NCOR2: variants seen among roughly 807,000 people sequenced by gnomAD.
The protein encoded by NCOR2 is CTG repeat protein 26.
In NCOR2, 81 loss-of-function variants were observed where a neutral mutation model predicts 262.9. The ratio of observed to expected loss-of-function variants is 0.31; its 90% CI spans 0.26 to 0.37. The LOEUF (loss-of-function observed/expected upper bound fraction) is 0.37. Ranked by LOEUF, NCOR2 falls within the 10% of genes least tolerant of loss-of-function variation. The pLI is 1.00. For missense variants in NCOR2, 3,385 were observed against 3,621.4 expected, an observed-to-expected ratio of 0.93 and a Z score of 1.68; for synonymous variants, 1,659 against 1,559.3, an observed-to-expected ratio of 1.06 and a Z score of -1.51.
chr12:124,457,097 C>G lies in NCOR2; in HGVS notation c.762+9G>C. 1 of 1,525,700 alleles carries G rather than the reference C, an allele frequency of 6.6e-7. No homozygotes were observed. Among genetic ancestry groups the G allele is most frequent in the South Asian group, 1.3e-5 (1 of 79,098 alleles). 94.5% of individuals were successfully genotyped at this position (1,525,700 alleles called of 1,614,324 possible). A position where few individuals can be genotyped will look rare whatever the true frequency, so the allele number is the denominator to read the frequency against. Reference sequence around the variant, plus strand: ...TCCCCTGAGCCCCTGACCCTGTACCCCAGCTCACCAGCTCCACCTGGGGCC... The same window carrying G: ...TCCCCTGAGCCCCTGACCCTGTACCGCAGCTCACCAGCTCCACCTGGGGCC... On this transcript the variant is annotated intron_variant, in intron 6 of 46. Transcript: ENST00000405201. The surrounding 1 kb of genome is among the most constrained non-coding windows in gnomAD (Gnocchi z 4.0).
chr12:124,481,718 C>T lies in NCOR2; in HGVS notation c.411+1878G>A, dbSNP rs1052841186. On this transcript the variant is annotated intron_variant, in intron 3 of 46. Transcript: ENST00000405201. The surrounding 1 kb of genome is among the most constrained non-coding windows in gnomAD (Gnocchi z 4.6). ...GGCTGGATCACGCCGGACCTGCAGC[C>T]CATGGCAAGGATTTTGGCTTTTTCC... Among the ~76,000 whole-genome samples the T allele has an allele frequency of 4.6e-5, 7 of 152,038 alleles. No homozygotes were observed. The highest frequency in any genetic ancestry group is 1.7e-4 in the African/African-American group (7 of 41,358).
chr12:124,499,586 C>T (rs1405624267), upstream of NCOR2, among the ~76,000 whole-genome samples: 2 of 152,140 alleles, frequency 1.3e-5, no homozygotes, highest in Non-Finnish European at 2.9e-5. Context: ...TGAGCGCAGG[C>T]TTGGGGGTGA....
At chr12:124,519,032 A>T (rs535331039) in intron 1 of NCOR2, among the ~76,000 whole-genome samples, 4 of 149,782 alleles carry the variant, frequency 2.7e-5, no homozygotes, top group Non-Finnish European at 5.9e-5. Flanking sequence ...TCACACTGGC[A>T]TTCTGATCTG....
chr12:124,371,275 T>G (rs546815309), intron 20 of NCOR2, among the ~76,000 whole-genome samples: 2 of 135,862 alleles, frequency 1.5e-5, no homozygotes, highest in East Asian at 4.3e-4. Context: ...TCCACCAAGC[T>G]CATTCCCACC....
chr12:124,354,224 G>C (rs751558933), intron 26 of NCOR2, 28 bp from the exon 29 acceptor site: 3 of 1,561,498 alleles, frequency 1.9e-6, no homozygotes, highest in Non-Finnish European at 2.6e-6. Flanking sequence ...TGGGGCTGAG[G>C]GCGTGTCTGT....
At chr12:124,479,480 G>GAC (rs937517640) in intron 3 of NCOR2, among the ~76,000 whole-genome samples, 2 of 145,714 alleles carry the variant, frequency 1.4e-5, no homozygotes, top group Non-Finnish European at 3.0e-5. Flanking sequence ...AACACGCAGG[G>GAC]ACACACACAG....
At chr12:124,436,085 C>A (rs915372929) in intron 8 of NCOR2, among the ~76,000 whole-genome samples, 2 of 152,216 alleles carry the variant, frequency 1.3e-5, no homozygotes, top group African/African-American at 4.8e-5. Context: ...GAGGACAGGG[C>A]CCGTGTCACA....
intron 8 of NCOR2, among the ~76,000 whole-genome samples, chr12:124,436,243 C>T (rs553909723): frequency 6.6e-6 from 1 of 152,336 alleles, no homozygotes; most frequent in Admixed American, 6.5e-5. Flanking sequence ...GACCTACAGG[C>T]GCTGGGCATG....
chr12:124,358,780 CATT>C (rs3842278), intron 22 of NCOR2, among the ~76,000 whole-genome samples: 42,600 of 151,936 alleles, frequency 0.28, 6,355 homozygotes, highest in Admixed American at 0.38. Flanking sequence ...GTGCAAAGGG[CATT>C]ACCGAGAGGT....
chr12:124,335,305 G>T, intron 39 of NCOR2, 25 bp from the exon 42 acceptor site: 1 of 1,555,816 alleles, frequency 6.4e-7, no homozygotes, highest in Admixed American at 1.9e-5. Context: ...GAGCTGGTCA[G>T]GGGGTGTCTG....
intron 19 of NCOR2, 96 bp from the exon 22 acceptor site, chr12:124,372,706 C>T (rs1283295097): frequency 1.7e-5 from 19 of 1,111,822 alleles, no homozygotes; most frequent in East Asian, 2.5e-5. Flanking sequence ...GCCGCTCTGT[C>T]GCCTGATGCC....
intron 46 of NCOR2, 25 bp downstream of exon 48, chr12:124,326,166 A>G: frequency 6.7e-7 from 1 of 1,482,558 alleles, no homozygotes; most frequent in Non-Finnish European, 8.9e-7. Flanking sequence ...CAGCGAGCCC[A>G]GCCCTGTCCC....
chr12:124,355,643 T>A, intron 23 of NCOR2, 72 bp from the exon 26 acceptor site: 1 of 1,470,986 alleles, frequency 6.8e-7, no homozygotes. Context: ...CACTCCAGGC[T>A]GCACTCCACC....
chr12:124,494,293 A>T (rs945038172), intron 1 of NCOR2, among the ~76,000 whole-genome samples: 2 of 152,104 alleles, frequency 1.3e-5, no homozygotes, highest in African/African-American at 4.8e-5. Context: ...TGTGACCTCC[A>T]GGCCTCACAT....
At chr12:124,421,338 AAGG>A (rs2043192972) in intron 12 of NCOR2, among the ~76,000 whole-genome samples, 1 of 152,238 alleles carries the variant, frequency 6.6e-6, no homozygotes, top group Non-Finnish European at 1.5e-5. Flanking sequence ...CCTCATCCTG[AAGG>A]AGGACTGCTC....
intron 10 of NCOR2, chr12:124,429,330 C>G (rs2043782550): frequency 2.1e-6 from 1 of 472,764 alleles, no homozygotes; most frequent in South Asian, 2.7e-5. Flanking sequence ...TCCTCGTCCC[C>G]CAACCCCCTC....
intron 1 of NCOR2, among the ~76,000 whole-genome samples, chr12:124,560,833 A>T (rs1372145156): frequency 6.6e-6 from 1 of 152,226 alleles, no homozygotes; most frequent in Non-Finnish European, 1.5e-5. Flanking sequence ...TTTAAAAAAT[A>T]AGCTTTTATA....
intron 10 of NCOR2, among the ~76,000 whole-genome samples, chr12:124,428,109 G>A (rs2043696324): frequency 7.9e-6 from 1 of 126,852 alleles, no homozygotes; most frequent in African/African-American, 2.7e-5. Flanking sequence ...ATCAGCCCAG[G>A]TGCCACACCC....
chr12:124,373,347 C>T (rs1179652777), intron 19 of NCOR2, among the ~76,000 whole-genome samples: 5 of 57,644 alleles, frequency 8.7e-5, no homozygotes, highest in Admixed American at 2.0e-4. Context: ...GCAGGGGCCC[C>T]GGGCACAGTG....
Sources: gnomAD v4.1 joint callset for allele counts (sites outside exome capture counted in the v4.1 genomes callset) on GRCh38, gnomAD v4.1.1 for gene constraint, Gnocchi (gnomAD v3.1) non-coding constraint, MANE v1.5 for transcripts, NCBI Gene and HGNC (gene_info 2026-07-23, HGNC 2026-07-21) for gene names.